TBATA: variants seen among roughly 807,000 people sequenced by gnomAD.
The protein encoded by TBATA is thymus, brain and testes associated.
TBATA carries 47 observed loss-of-function variants against 38.7 expected under a neutral mutation model. The observed-to-expected ratio is 1.21, with a 90% CI of 0.96 to 1.55. The LOEUF (loss-of-function observed/expected upper bound fraction) is 1.55, where lower values mean the gene tolerates loss of function less well. TBATA is among the 40% of genes most tolerant of loss of function. The probability of loss-of-function intolerance (pLI) is 0.00; values close to 1 mark genes in which losing one functional copy is unlikely to be tolerated. For missense variants in TBATA, 436 were observed against 435.6 expected (o/e 1.00, Z -0.01); for synonymous variants, 183 against 170.5 (o/e 1.07, Z -0.57).
chr10:70,777,592 G>A (rs1564585658), intron 6 of TBATA, among the ~76,000 whole-genome samples: 1 of 152,174 alleles, frequency 6.6e-6, no homozygotes. Context: ...CAGCTATCAC[G>A]CTTAAACCAG....
At chr10:70,784,052 GT>G (rs1844589354) in intron 2 of TBATA, among the ~76,000 whole-genome samples, 1 of 152,080 alleles carries the variant, frequency 6.6e-6, no homozygotes, top group Non-Finnish European at 1.5e-5. Flanking sequence ...TTCATAAATG[GT>G]TTAGTTTATG....
chr10:70,781,451 A>G (rs1171553820), intron 4 of TBATA, among the ~76,000 whole-genome samples: 1 of 152,208 alleles, frequency 6.6e-6, no homozygotes, highest in East Asian at 1.9e-4. Flanking sequence ...TTCACACTCA[A>G]TCAATATTTG....
At chr10:70,784,229 G>A (rs970356515) in intron 2 of TBATA, among the ~76,000 whole-genome samples, 4 of 152,158 alleles carry the variant, frequency 2.6e-5, no homozygotes, top group African/African-American at 9.7e-5. Context: ...GGCTATTTCC[G>A]AGGGAAGGCG....
chr10:70,776,401 C>A, intron 7 of TBATA: 1 of 456,336 alleles, frequency 2.2e-6, no homozygotes, highest in African/African-American at 2.0e-5. Flanking sequence ...GTGGAGAAAG[C>A]ACCTTAGTCC....
At chr10:70,776,337 C>G in intron 7 of TBATA, 3 of 456,362 alleles carry the variant, frequency 6.6e-6, no homozygotes, top group Non-Finnish European at 1.3e-5. Flanking sequence ...GCCTTGTGCC[C>G]CCTCCCCACA....
rs867638152 is a variant in TBATA at position 70,772,896 on chromosome 10, G to A, written c.921-330C>T. ...CCCTCCCCCTAGCCCTGACTCACTC[G>A]CTCCACTGGTTTCCTTGTGGACTTC... On this transcript the variant is annotated intron_variant, in intron 9 of 10. Transcript: ENST00000456372. Among the ~76,000 whole-genome samples the A allele has an allele frequency of 6.0e-4, 92 of 152,268 alleles. 1 individual carries two copies. Among genetic ancestry groups the A allele is most frequent in the Admixed American group, 1.1e-3 (17 of 15,308 alleles).
intron 6 of TBATA, chr10:70,777,667 T>C: frequency 5.1e-6 from 2 of 394,292 alleles, no homozygotes; most frequent in South Asian, 4.3e-5. Context: ...CGGGTGGTTC[T>C]CGTTCTCCCT....
chr10:70,776,484 G>A (rs984397618), intron 7 of TBATA: 9 of 448,528 alleles, frequency 2.0e-5, no homozygotes, highest in East Asian at 1.4e-4. Flanking sequence ...CTCCCCATCC[G>A]TGGCATGGAG....
At chr10:70,775,737 T>C (rs1017018830) in intron 7 of TBATA, among the ~76,000 whole-genome samples, 2 of 151,902 alleles carry the variant, frequency 1.3e-5, no homozygotes, top group Non-Finnish European at 2.9e-5. Context: ...AGGAACCCCA[T>C]GGTAAGCCAT....
chr10:70,776,551 G>C (rs933584946), intron 7 of TBATA, among the ~76,000 whole-genome samples: 7 of 152,214 alleles, frequency 4.6e-5, no homozygotes, highest in African/African-American at 1.7e-4. Context: ...GTTTCAGAGG[G>C]AGTGTGTGCC....
At chr10:70,775,150 A>G in intron 8 of TBATA, 39 bp downstream of exon 8, 1 of 1,576,534 alleles carries the variant, frequency 6.3e-7, no homozygotes, top group Non-Finnish European at 8.7e-7. Flanking sequence ...GGACCTTGGC[A>G]GCCTCCACTG....
Position 70,774,237 on chromosome 10 carries a change from T to C in TBATA, c.896A>G (p.Gln299Arg). The change falls in exon 9 of 11, where the codon CAA becomes CGA. Residue 299 changes from glutamine (Q) to arginine (R), a missense_variant. Coordinates refer to ENST00000456372, the MANE Select transcript of TBATA (RefSeq NM_001318241.2). The stretch of plus-strand genomic sequence containing the variant: ...CCTGCAGGGTGGCTCTTGCTTCTCT[T>C]GAGGAGGTTCATGCACTTCTGGAAG... ...SQLPEVHEPPQEKQEPPCSQS... is the reference protein window; with the variant it reads ...SQLPEVHEPPREKQEPPCSQS... 2 of 1,612,350 alleles carry C rather than the reference T, an allele frequency of 1.2e-6. No homozygotes were observed. Among genetic ancestry groups the C allele is most frequent in the Non-Finnish European group, 1.7e-6 (2 of 1,179,696 alleles).
chr10:70,777,285 T>A lies in TBATA; in HGVS notation c.561A>T (p.Ala187=). Residue 187 remains alanine (A), a synonymous_variant, in exon 7 of 11, where the codon GCA becomes GCT. Transcript: ENST00000456372. ...AAGCGGGGATGAGCCTCCCAGTCTC[T>A]GCTGAGTACTTTGCCCCCTGCTCCC... ...PLREQGAKYS[A]ETGRLIPAST... 1 of 1,613,840 alleles carries A rather than the reference T, an allele frequency of 6.2e-7. No individual in the cohort carries two copies.
chr10:70,774,984 C>A (rs539730453), intron 8 of TBATA, among the ~76,000 whole-genome samples: 4 of 152,112 alleles, frequency 2.6e-5, no homozygotes, highest in Non-Finnish European at 5.9e-5. Flanking sequence ...GTAAGGAAAT[C>A]CTGCTGAGGA....
rs112305095 is a variant in TBATA at position 70,771,430 on chromosome 10, C to T, written c.1005G>A (p.Met335Ile). Reference sequence around the variant, plus strand: ...TCTTCTCTGTGTTCTGGCTTGAATGCATCTGGAGGACTTGAGCTTCTCCAA... The same window carrying T: ...TCTTCTCTGTGTTCTGGCTTGAATGTATCTGGAGGACTTGAGCTTCTCCAA... ...EYIGEAQVLQMHSSQNTEKKT... is the reference protein window; with the variant it reads ...EYIGEAQVLQIHSSQNTEKKT... Residue 335 changes from methionine (M) to isoleucine (I), a missense_variant, in exon 11 of 11, where the codon ATG becomes ATA. Physicochemically the swap from Met to Ile is conservative, Grantham distance 10. Transcript: ENST00000456372. 802 of 1,614,110 alleles carry T rather than the reference C, an allele frequency of 5.0e-4. 2 individuals are homozygous for T. The African/African-American group carries it at 9.6e-3, about 19-fold the overall frequency.
rs1054857360 is a variant in TBATA, at chr10:70,783,475, A to C, written c.-96T>G. On this transcript the variant is annotated 5_prime_UTR_variant, in exon 3 of 11. Coordinates refer to ENST00000456372, the MANE Select transcript of TBATA (RefSeq NM_001318241.2). ...CACTTAATACTAGTGTTGAGGATGC[A>C]GAACAGGAACTCTCACGAACTGGTG... is the stretch of plus-strand genomic sequence containing the variant. The C allele has an allele frequency of 6.9e-7, 1 of 1,438,886 alleles. No homozygotes were observed. Among genetic ancestry groups the C allele is most frequent in the South Asian group, 1.2e-5 (1 of 85,730 alleles). 89.1% of individuals were successfully genotyped at this position (1,438,886 alleles called of 1,614,324 possible).
At position 70,771,410 on chromosome 10, in the gene TBATA, T is replaced by C; in HGVS notation, c.1025A>G (p.Glu342Gly). ...VLQMHSSQNT[E>G]KKTSKPRAES is the part of the protein sequence containing the mutation. ...TGCCCTCGGCTTCGATGTCTTCTTC[T>C]CTGTGTTCTGGCTTGAATGCATCTG... is the stretch of plus-strand genomic sequence containing the variant. Residue 342 changes from glutamate (E) to glycine (G), a missense_variant, in exon 11 of 11, where the codon GAG becomes GGG. Coordinates refer to ENST00000456372, the MANE Select transcript of TBATA (RefSeq NM_001318241.2). 6.2e-7 allele frequency: 1 copy of C among 1,614,170 alleles called. No individual in the cohort carries two copies. The highest frequency in any genetic ancestry group is 8.5e-7 in the Non-Finnish European group (1 of 1,180,022).
chr10:70,779,371 A>G (rs750786232), intron 5 of TBATA, among the ~76,000 whole-genome samples: 28 of 152,190 alleles, frequency 1.8e-4, no homozygotes, highest in Non-Finnish European at 3.5e-4. Flanking sequence ...AAGCACCTCA[A>G]ATCCAAGCAG....
intron 4 of TBATA, among the ~76,000 whole-genome samples, chr10:70,780,930 G>A (rs143429901): frequency 8.1e-4 from 123 of 152,318 alleles, no homozygotes; most frequent in African/African-American, 2.8e-3. Context: ...CCACACTTAA[G>A]ACAGAGGCCA....
Sources: allele counts gnomAD v4.1 joint callset (sites outside exome capture counted in the v4.1 genomes callset), GRCh38; gene constraint gnomAD v4.1.1; transcripts MANE v1.5; gene names NCBI Gene and HGNC (gene_info 2026-07-23, HGNC 2026-07-21).